PKIA: variants seen among roughly 807,000 people sequenced by gnomAD.
PKIA encodes the protein cAMP-dependent protein kinase inhibitor alpha, also known as PKI-alpha.
PKIA carries 4 observed loss-of-function variants against 7.6 expected under a neutral mutation model. That is an observed-to-expected ratio of 0.52 (90% CI 0.26 to 1.20). The LOEUF is 1.20. PKIA is among the 50% of genes most tolerant of loss of function. The pLI, the probability that PKIA is intolerant of heterozygous loss-of-function variation, is 0.13. For missense variants in PKIA, 73 were observed against 86.2 expected (o/e 0.85, Z 0.61); for synonymous variants, 21 against 30.7 (o/e 0.68, Z 1.04).
chr8:78,566,012 A>G (rs1392084452), intron 1 of PKIA, among the ~76,000 whole-genome samples: 3 of 152,078 alleles, frequency 2.0e-5, no homozygotes, highest in Non-Finnish European at 4.4e-5. Context: ...CTACTTTTCA[A>G]GAAAGTAGAA....
At chr8:78,584,055 T>TAAAAA (rs1807887964) in intron 2 of PKIA, among the ~76,000 whole-genome samples, 4 of 152,110 alleles carry the variant, frequency 2.6e-5, no homozygotes, top group African/African-American at 9.7e-5. Context: ...GTAAAACAGC[T>TAAAAA]TATTTTTAGT....
chr8:78,540,787 C>T (rs531727746), intron 1 of PKIA, among the ~76,000 whole-genome samples: 2 of 151,664 alleles, frequency 1.3e-5, no homozygotes, highest in South Asian at 2.1e-4. Context: ...ATTCCATCTA[C>T]AAAAATCTGT....
chr8:78,559,810 C>A (rs1807239916), intron 1 of PKIA, among the ~76,000 whole-genome samples: 1 of 152,140 alleles, frequency 6.6e-6, no homozygotes, highest in South Asian at 2.1e-4. Flanking sequence ...AATCTGAATT[C>A]ATCTGATTAG....
chr8:78,589,371 G>A (rs1478804323), intron 2 of PKIA, among the ~76,000 whole-genome samples: 1 of 152,184 alleles, frequency 6.6e-6, no homozygotes, highest in Non-Finnish European at 1.5e-5. Flanking sequence ...GAGGTCACTC[G>A]TTGCCCAATT....
intron 2 of PKIA, among the ~76,000 whole-genome samples, chr8:78,580,256 T>C (rs1807774012): frequency 6.6e-6 from 1 of 152,100 alleles, no homozygotes. Flanking sequence ...TACAGATATG[T>C]AAAGAATATG....
intron 2 of PKIA, among the ~76,000 whole-genome samples, chr8:78,582,147 A>G (rs933494699): frequency 2.0e-5 from 3 of 149,674 alleles, no homozygotes; most frequent in Non-Finnish European, 4.4e-5. Context: ...TCTTGCTAAT[A>G]CCATGTAATC....
At chr8:78,535,467 G>A (rs1806498887) in intron 1 of PKIA, 2 of 152,010 alleles carry the variant, frequency 1.3e-5, no homozygotes, top group Admixed American at 6.6e-5. Flanking sequence ...GCAACCTTGG[G>A]CCTTCCAGTT....
At chr8:78,550,591 T>C (rs937870476) in intron 1 of PKIA, among the ~76,000 whole-genome samples, 1 of 152,094 alleles carries the variant, frequency 6.6e-6, no homozygotes, top group African/African-American at 2.4e-5. Context: ...AGAAAAAAGC[T>C]TGAAAAGACA....
intron 2 of PKIA, among the ~76,000 whole-genome samples, chr8:78,575,189 A>G (rs1286234093): frequency 2.0e-5 from 3 of 151,996 alleles, no homozygotes; most frequent in Non-Finnish European, 4.4e-5. Flanking sequence ...TAATAAAAAT[A>G]AACTCTTGCA....
At chr8:78,595,485 A>C (rs1328422731) in intron 2 of PKIA, among the ~76,000 whole-genome samples, 1 of 152,178 alleles carries the variant, frequency 6.6e-6, no homozygotes, top group African/African-American at 2.4e-5. Flanking sequence ...CAGGTTTGTT[A>C]CATGAATAAA....
chr8:78,593,511 C>T (rs1328166139), intron 2 of PKIA, among the ~76,000 whole-genome samples: 1 of 152,158 alleles, frequency 6.6e-6, no homozygotes, highest in East Asian at 1.9e-4. Context: ...TCCACCTCTC[C>T]TTAAATATTT....
At chr8:78,573,964 C>T (rs1405005154) in intron 2 of PKIA, among the ~76,000 whole-genome samples, 2 of 151,990 alleles carry the variant, frequency 1.3e-5, no homozygotes. Flanking sequence ...ATATAGCTGA[C>T]AATTTTTCTA....
At chr8:78,533,230 T>G (rs1462668716) in intron 1 of PKIA, among the ~76,000 whole-genome samples, 2 of 152,148 alleles carry the variant, frequency 1.3e-5, no homozygotes, top group Admixed American at 1.3e-4. Flanking sequence ...AATATGCCCT[T>G]GCCATAACTC....
At chr8:78,572,201 AGTC>A (rs1411908386) in intron 1 of PKIA, among the ~76,000 whole-genome samples, 1 of 152,024 alleles carries the variant, frequency 6.6e-6, no homozygotes, top group African/African-American at 2.4e-5. Context: ...TCTAAGTAGT[AGTC>A]AACAGATTTA....
chr8:78,562,481 T>C (rs979663546), intron 1 of PKIA, among the ~76,000 whole-genome samples: 2 of 152,198 alleles, frequency 1.3e-5, no homozygotes, highest in Non-Finnish European at 2.9e-5. Flanking sequence ...ATAAGACTTA[T>C]AGGCCTCAAG....
At chr8:78,556,392 TTATC>T (rs994154223) in intron 1 of PKIA, 38 of 152,226 alleles carry the variant, frequency 2.5e-4, no homozygotes, top group African/African-American at 8.7e-4. Flanking sequence ...AAAAAATCAA[TTATC>T]TAACATTCCA....
intron 1 of PKIA, among the ~76,000 whole-genome samples, chr8:78,550,922 T>C (rs929364396): frequency 2.6e-4 from 39 of 152,206 alleles, no homozygotes; most frequent in African/African-American, 9.4e-4. Flanking sequence ...GTTTGGTTTA[T>C]GTGTTACTAT....
chr8:78,593,628 T>C (rs1808157183), intron 2 of PKIA, among the ~76,000 whole-genome samples: 1 of 152,234 alleles, frequency 6.6e-6, no homozygotes, highest in East Asian at 1.9e-4. Flanking sequence ...AATGAAAATA[T>C]CTTCACAATT....
chr8:78,587,922 T>C (rs2130237994), intron 2 of PKIA, among the ~76,000 whole-genome samples: 1 of 152,286 alleles, frequency 6.6e-6, no homozygotes, highest in Middle Eastern at 3.4e-3. Context: ...ATGACCTCGA[T>C]CAAGTTACTT....
Sources: allele counts gnomAD v4.1 joint callset (sites outside exome capture counted in the v4.1 genomes callset), GRCh38; gene constraint gnomAD v4.1.1; transcripts MANE v1.5; gene names NCBI Gene and HGNC (gene_info 2026-07-23, HGNC 2026-07-21).